Variants in LATS1 observed in about 807,000 individuals in gnomAD.
LATS1 encodes large tumor suppressor kinase 1.
In LATS1, 25 loss-of-function variants were observed where a neutral mutation model predicts 106.6. The ratio of observed to expected loss-of-function variants is 0.23; its 90% CI spans 0.17 to 0.33. The LOEUF (loss-of-function observed/expected upper bound fraction) is 0.33, where lower values mean the gene tolerates loss of function less well. LATS1 is among the 10% of genes least tolerant of loss of function. The pLI, the probability that LATS1 is intolerant of heterozygous loss-of-function variation, is 1.00. For missense variants in LATS1, 1,040 were observed against 1,382.6 expected (o/e 0.75, Z 3.93); for synonymous variants, 465 against 455.6 (o/e 1.02, Z -0.26).
intron 3 of LATS1, among the ~76,000 whole-genome samples, chr6:149,689,511 C>CT (rs1333888779): frequency 2.0e-5 from 3 of 151,698 alleles, no homozygotes; most frequent in Non-Finnish European, 4.4e-5. Context: ...TTCCAGCTAT[C>CT]TTTTTTTGTT....
intron 1 of LATS1, among the ~76,000 whole-genome samples, chr6:149,717,088 T>TA (rs1345162532): frequency 4.6e-5 from 7 of 152,330 alleles, no homozygotes; most frequent in Admixed American, 2.6e-4. Context: ...AGATTATACT[T>TA]ATTGTTCACT....
chr6:149,707,813 T>A (rs548518160), intron 1 of LATS1, among the ~76,000 whole-genome samples: 14 of 152,308 alleles, frequency 9.2e-5, no homozygotes, highest in Admixed American at 1.3e-4. Flanking sequence ...AAGTTTTCAT[T>A]TGTTGAAAAC....
At chr6:149,697,721 T>C (rs1005318565) in intron 2 of LATS1, among the ~76,000 whole-genome samples, 8 of 152,004 alleles carry the variant, frequency 5.3e-5, no homozygotes, top group African/African-American at 1.9e-4. Flanking sequence ...TCCAATATTG[T>C]GGGAATCATT....
chr6:149,672,392 T>C lies in LATS1; in HGVS notation c.2883+3868A>G, dbSNP rs896547588. Among the ~76,000 whole-genome samples, 13 of 149,728 alleles carry C rather than the reference T, an allele frequency of 8.7e-5. 1 individual carries two copies. Among genetic ancestry groups the C allele is most frequent in the African/African-American group, 2.2e-4 (9 of 40,440 alleles). On this transcript the variant is annotated intron_variant, in intron 7 of 7. Coordinates refer to ENST00000543571, the MANE Select transcript of LATS1 (RefSeq NM_004690.4). Reference sequence around the variant, plus strand: ...TGCCTGGCTAATTTTTTATTTTTAGTAGAGACAGGGTTTCACAATTTGGCC... The same window carrying C: ...TGCCTGGCTAATTTTTTATTTTTAGCAGAGACAGGGTTTCACAATTTGGCC...
chr6:149,690,508 C>T (rs1376769479), intron 3 of LATS1, among the ~76,000 whole-genome samples: 1 of 151,614 alleles, frequency 6.6e-6, no homozygotes, highest in Non-Finnish European at 1.5e-5. Context: ...CCACTGTGCC[C>T]AGCCTCAACT....
At chr6:149,687,123 C>G (rs935307948) in intron 3 of LATS1, among the ~76,000 whole-genome samples, 1 of 150,540 alleles carries the variant, frequency 6.6e-6, no homozygotes, top group Admixed American at 6.6e-5. Flanking sequence ...CAGAGACTTG[C>G]TCTGTCGCCC....
intron 2 of LATS1, among the ~76,000 whole-genome samples, chr6:149,699,833 A>G (rs1486916194): frequency 6.6e-6 from 1 of 152,210 alleles, no homozygotes; most frequent in African/African-American, 2.4e-5. Flanking sequence ...ATAAATACAT[A>G]TTACTGGGTG....
At chr6:149,712,742 C>T (rs1784175200) in intron 1 of LATS1, among the ~76,000 whole-genome samples, 1 of 152,062 alleles carries the variant, frequency 6.6e-6, no homozygotes, top group Non-Finnish European at 1.5e-5. Context: ...GCCTGTAATT[C>T]CAAAACTTTT....
chr6:149,685,023 G>A (rs1338116094), intron 3 of LATS1, among the ~76,000 whole-genome samples: 1 of 151,856 alleles, frequency 6.6e-6, no homozygotes, highest in Non-Finnish European at 1.5e-5. Context: ...ATCACTTGAG[G>A]CCAGGAGTTC....
At chr6:149,667,573 C>T (rs1308809251) in intron 7 of LATS1, among the ~76,000 whole-genome samples, 1 of 151,474 alleles carries the variant, frequency 6.6e-6, no homozygotes, top group African/African-American at 2.4e-5. Flanking sequence ...TGGGACCACA[C>T]CAAAAGGCCT....
At chr6:149,686,961 CTT>C (rs546315782) in intron 3 of LATS1, among the ~76,000 whole-genome samples, 8 of 152,308 alleles carry the variant, frequency 5.3e-5, no homozygotes, top group South Asian at 4.1e-4. Context: ...CATATCTGCT[CTT>C]GTTTCAGAAT....
chr6:149,701,849 T>G lies in LATS1; in HGVS notation c.278A>C (p.Asn93Thr). Reference sequence around the variant, plus strand: ...AACTTCTGAAGTACTCCGAGAAGAATTTGTTTCATTTGCAAATGGAAGCAG... The same window carrying G: ...AACTTCTGAAGTACTCCGAGAAGAAGTTGTTTCATTTGCAAATGGAAGCAG... ...NSLLPFANET[N>T]SSRSTSEVNP... The change falls in exon 2 of 8, where the codon AAT becomes ACT. Residue 93 changes from asparagine (N) to threonine (T), a missense_variant. Around this residue, in one of 7 missense-constraint regions of LATS1, gnomAD observed 624 missense variants for 714.8 expected, o/e 0.87. Transcript: ENST00000543571. 4.3e-6 allele frequency: 7 copies of G among 1,614,208 alleles called. No homozygotes were observed. Among genetic ancestry groups the G allele is most frequent in the Non-Finnish European group, 5.1e-6 (6 of 1,180,028 alleles).
intron 1 of LATS1, among the ~76,000 whole-genome samples, chr6:149,703,245 G>A (rs1272205649): frequency 1.3e-5 from 2 of 152,194 alleles, no homozygotes; most frequent in Non-Finnish European, 2.9e-5. Flanking sequence ...AAAGTGCTGG[G>A]ATTGCAGGCT....
intron 1 of LATS1, among the ~76,000 whole-genome samples, chr6:149,715,420 A>AT (rs1784331233): frequency 1.3e-5 from 2 of 152,052 alleles, no homozygotes; most frequent in South Asian, 4.1e-4. Context: ...GTTGTTCCTC[A>AT]TTTTTTTGCT....
chr6:149,659,310 A>T lies in LATS1; in HGVS notation c.*2419T>A, dbSNP rs1780805720. 5.3e-6 allele frequency: 1 copy of T among 188,260 alleles called. No homozygotes were observed. Among genetic ancestry groups the T allele is most frequent in the Non-Finnish European group, 1.1e-5 (1 of 89,498 alleles). The allele number at this position is 188,260 out of a possible 1,614,324, so 11.7% of individuals were successfully genotyped here. A position where few individuals can be genotyped will look rare whatever the true frequency, so the allele number is the denominator to read the frequency against. ...TGGCGAAACCCCATCTCTACTAAAG[A>T]TACAAAAATTAGCTGGGCTTGGTGG... On this transcript the variant is annotated 3_prime_UTR_variant, in exon 8 of 8. Coordinates refer to ENST00000543571, the MANE Select transcript of LATS1 (RefSeq NM_004690.4).
chr6:149,676,726 G>T lies in LATS1; in HGVS notation c.2605C>A (p.Arg869=), dbSNP rs142843346. 2.5e-6 allele frequency: 4 copies of T among 1,611,854 alleles called. No individual in the cohort carries two copies. Among genetic ancestry groups the T allele is most frequent in the Admixed American group, 1.7e-5 (1 of 59,878 alleles). ...TTACTGAAATCCATGCTATCTTGCCGTGGATGGTCACCTGCACAACAAAAG... is the reference window on the plus strand; with the variant it reads ...TTACTGAAATCCATGCTATCTTGCCTTGGATGGTCACCTGCACAACAAAAG... ...SKYYQSGDHP[R]QDSMDFSNEW... is the part of the protein sequence containing the mutation. The change falls in exon 6 of 8, where the codon CGG becomes AGG. Residue 869 remains arginine (R), a synonymous_variant. Coordinates refer to ENST00000543571, the MANE Select transcript of LATS1 (RefSeq NM_004690.4).
chr6:149,716,808 G>C (rs1022338964), intron 1 of LATS1, among the ~76,000 whole-genome samples: 2 of 152,092 alleles, frequency 1.3e-5, no homozygotes, highest in African/African-American at 4.8e-5. Context: ...ACTGCCTTAA[G>C]GAATCAACTA....
rs145198154 is a variant in LATS1, at chr6:149,702,367, T to G, written c.-140-101A>C. 306 of 378,780 alleles carry G rather than the reference T, an allele frequency of 8.1e-4. 1 individual carries two copies. Among genetic ancestry groups the G allele is most frequent in the African/African-American group, 5.6e-3 (277 of 49,090 alleles). 23.5% of individuals were successfully genotyped at this position (378,780 alleles called of 1,614,324 possible). ...TGATATAGGGGTTAAGAGATTCAGG[T>G]TATAGTTCTGACTCCATTAAGGATT... On this transcript the variant is annotated intron_variant, in intron 1 of 7. Coordinates refer to ENST00000543571, the MANE Select transcript of LATS1 (RefSeq NM_004690.4).
At chr6:149,695,300 TC>T in intron 2 of LATS1, 79 bp from the exon 3 acceptor site, 1 of 834,754 alleles carries the variant, frequency 1.2e-6, no homozygotes, top group Non-Finnish European at 1.8e-6. Context: ...CACTATGAGT[TC>T]CACTAGAGAA....
Sources: gnomAD v4.1 joint callset for allele counts (sites outside exome capture counted in the v4.1 genomes callset) on GRCh38, gnomAD v4.1.1 for gene constraint, gnomAD v4.1.1 regional missense constraint, MANE v1.5 for transcripts, NCBI Gene and HGNC (gene_info 2026-07-23, HGNC 2026-07-21) for gene names.